TBX19: variants seen among roughly 807,000 people sequenced by gnomAD.
TBX19 encodes the protein T-box transcription factor TBX19.
A neutral mutation model predicts 40.9 loss-of-function variants in TBX19; 33 were observed. That is an observed-to-expected ratio of 0.81 (90% CI 0.61 to 1.08). The LOEUF is 1.08. TBX19 is among the 50% of genes least tolerant of loss of function. TBX19 has a pLI of 0.00. For synonymous variants in TBX19, 220 were observed against 225.0 expected (o/e 0.98, Z 0.20); for missense variants, 494 against 574.0 (o/e 0.86, Z 1.42).
chr1:168,290,409 G>T (rs1262519569), intron 1 of TBX19, among the ~76,000 whole-genome samples: 1 of 152,200 alleles, frequency 6.6e-6, no homozygotes, highest in Non-Finnish European at 1.5e-5. Context: ...CATACATTTA[G>T]GGTGTGCACG....
rs1289514438 is a variant in TBX19 at position 168,301,423 on chromosome 1, C to T, written c.727+940C>T. Among the ~76,000 whole-genome samples, 9 of 152,110 alleles carry T rather than the reference C, an allele frequency of 5.9e-5. No individual in the cohort carries two copies. The East Asian group carries it at 9.7e-4, about 16-fold the overall frequency. ...GCCCACAGGCATGTGCCACCATGCC[C>T]GGCTAATTTTTGTATTTTTGGTAGA... is the stretch of plus-strand genomic sequence containing the variant. On this transcript the variant is annotated intron_variant, in intron 5 of 7. Transcript: ENST00000367821.
chr1:168,297,809 A>G, intron 4 of TBX19, 24 bp downstream of exon 4: 1 of 1,579,784 alleles, frequency 6.3e-7, no homozygotes, highest in South Asian at 1.1e-5. Context: ...TTTTAGTGAA[A>G]TCTTCTAATG....
intron 7 of TBX19, 92 bp from the exon 8 acceptor site, chr1:168,312,616 C>G: frequency 6.9e-7 from 1 of 1,440,966 alleles, no homozygotes. Context: ...GTAACCATGC[C>G]CTTCTCAGCA....
chr1:168,298,822 C>CCCTCCCTCCCTCCCTTCCTTTCCTT (rs1553289837), intron 4 of TBX19, among the ~76,000 whole-genome samples: 2 of 9,788 alleles, frequency 2.0e-4, no homozygotes, highest in Non-Finnish European at 3.7e-4. Flanking sequence ...TCCCTCCCTT[C>CCCTCCCTCCCTCCCTTCCTTTCCTT]CTTTCTTTCT....
At chr1:168,307,293 C>T (rs543303828) in intron 6 of TBX19, among the ~76,000 whole-genome samples, 2 of 152,154 alleles carry the variant, frequency 1.3e-5, no homozygotes, top group African/African-American at 2.4e-5. Context: ...TTCTCATAGT[C>T]CTGGAGGCTG....
rs752758748 is a variant in TBX19 at position 168,297,790 on chromosome 1, G to A, written c.665+5G>A. On this transcript the variant is annotated splice_donor_5th_base_variant and intron_variant, in intron 4 of 7. Coordinates refer to ENST00000367821, the MANE Select transcript of TBX19 (RefSeq NM_005149.3). ...CTTCTTGGATGCCAAGGAAAGGTAA[G>A]TAAAGAAATTTTAGTGAAATCTTCT... 5 of 1,611,758 alleles carry A rather than the reference G, an allele frequency of 3.1e-6. No homozygotes were observed. Among genetic ancestry groups the A allele is most frequent in the Middle Eastern group, 1.7e-4 (1 of 6,060 alleles).
chr1:168,295,498 G>T (rs1357239390), intron 3 of TBX19, among the ~76,000 whole-genome samples: 4 of 152,166 alleles, frequency 2.6e-5, no homozygotes, highest in Non-Finnish European at 5.9e-5. Context: ...AAATGAAGTT[G>T]CAGATTTAAC....
At chr1:168,297,101 ACTAT>A (rs144045398) in intron 3 of TBX19, among the ~76,000 whole-genome samples, 2,960 of 152,300 alleles carry the variant, frequency 0.019, 107 homozygotes, top group African/African-American at 0.069. Context: ...TATCACGATC[ACTAT>A]CTATCTATAC....
In TBX19 at chr1:168,296,402, G is replaced by A. The variant is rs143199339; in HGVS notation, c.604-1322G>A. 8.1e-3 allele frequency among the ~76,000 whole-genome samples: 1,240 copies of A among 152,234 alleles called. 7 individuals are homozygous for A. The highest frequency in any genetic ancestry group is 0.012 in the Admixed American group (179 of 15,298). ...AATGGACTCACAGTTCCACATGGCT[G>A]GGGAGGCCTCAATCATGGTGGAAGG... is the stretch of plus-strand genomic sequence containing the variant. On this transcript the variant is annotated intron_variant, in intron 3 of 7. Coordinates refer to ENST00000367821, the MANE Select transcript of TBX19 (RefSeq NM_005149.3).
chr1:168,303,115 A>G (rs557479782), intron 5 of TBX19, among the ~76,000 whole-genome samples: 3 of 152,252 alleles, frequency 2.0e-5, no homozygotes, highest in South Asian at 2.1e-4. Flanking sequence ...ATATGTATAC[A>G]TGTGCCATGT....
intron 6 of TBX19, among the ~76,000 whole-genome samples, chr1:168,305,455 T>C (rs543570304): frequency 6.6e-6 from 1 of 152,344 alleles, no homozygotes; most frequent in South Asian, 2.1e-4. Flanking sequence ...CTAATGAGCG[T>C]GAAAGGCCAG....
Position 168,313,645 on chromosome 1 carries a change from G to A in TBX19, c.*643G>A, listed in dbSNP as rs1239052808. 2 of 154,106 alleles carry A rather than the reference G, an allele frequency of 1.3e-5. No homozygotes were observed. The highest frequency in any genetic ancestry group is 4.8e-5 in the African/African-American group (2 of 41,466). 9.5% of individuals were successfully genotyped at this position (154,106 alleles called of 1,614,324 possible). On this transcript the variant is annotated 3_prime_UTR_variant, in exon 8 of 8. Transcript: ENST00000367821. ...CTCCTCACTATAACTGGGTGTGGTAGTTTAAGCCTATAATCTCAGCCCTTT... is the reference window on the plus strand; with the variant it reads ...CTCCTCACTATAACTGGGTGTGGTAATTTAAGCCTATAATCTCAGCCCTTT...
chr1:168,305,912 G>A (rs934832897), intron 6 of TBX19, among the ~76,000 whole-genome samples: 8 of 152,160 alleles, frequency 5.3e-5, no homozygotes, highest in African/African-American at 1.9e-4. Flanking sequence ...ATTGAGGATC[G>A]ACTATATGCC....
intron 4 of TBX19, among the ~76,000 whole-genome samples, chr1:168,298,864 T>C (rs1442522793): frequency 5.2e-5 from 6 of 114,454 alleles, no homozygotes; most frequent in Non-Finnish European, 8.5e-5. Flanking sequence ...TCTTTCTTTC[T>C]TTCTTTCTTT....
At chr1:168,289,459 C>T (rs1232198250) in intron 1 of TBX19, among the ~76,000 whole-genome samples, 1 of 152,156 alleles carries the variant, frequency 6.6e-6, no homozygotes, top group Non-Finnish European at 1.5e-5. Flanking sequence ...TGTAAAAGTG[C>T]AATCATCTCA....
Position 168,305,030 on chromosome 1 carries a change from T to G in TBX19, c.750T>G (p.Asn250Lys), listed in dbSNP as rs1306299781. Reference protein sequence around the residue: ...YSHLGGWIFSNPDGVCTAGNS... With the variant: ...YSHLGGWIFSKPDGVCTAGNS... Reference sequence around the variant, plus strand: ...TAGTGGGAGGCTGGATCTTTTCCAATCCAGATGGAGTGTGCACAGCAGGAA... The same window carrying G: ...TAGTGGGAGGCTGGATCTTTTCCAAGCCAGATGGAGTGTGCACAGCAGGAA... Residue 250 changes from asparagine (N) to lysine (K), a missense_variant, in exon 6 of 8, where the codon AAT (asparagine) becomes AAG (lysine). By Grantham distance (94) the Asn-to-Lys change is moderately conservative. Coordinates refer to ENST00000367821, the MANE Select transcript of TBX19 (RefSeq NM_005149.3). The G allele has an allele frequency of 1.2e-6, 2 of 1,614,158 alleles. No individual in the cohort carries two copies. The highest frequency in any genetic ancestry group is 1.7e-5 in the Admixed American group (1 of 60,032).
intron 4 of TBX19, among the ~76,000 whole-genome samples, chr1:168,298,064 C>T (rs1398973420): frequency 3.3e-5 from 5 of 152,136 alleles, no homozygotes; most frequent in East Asian, 1.9e-4. Flanking sequence ...GGTGTGGTGG[C>T]GGGCGCCTGT....
At chr1:168,310,426 A>T (rs559440067) in intron 7 of TBX19, among the ~76,000 whole-genome samples, 1 of 151,966 alleles carries the variant, frequency 6.6e-6, no homozygotes, top group Non-Finnish European at 1.5e-5. Context: ...TAAAATGCAG[A>T]ATCTGATTGG....
chr1:168,294,437 G>T (rs1038956343), intron 3 of TBX19, among the ~76,000 whole-genome samples: 7 of 151,868 alleles, frequency 4.6e-5, no homozygotes, highest in Admixed American at 2.6e-4. Context: ...AGGTTCAAGC[G>T]ATTCTCCTGC....
Sources: allele counts gnomAD v4.1 joint callset (sites outside exome capture counted in the v4.1 genomes callset), GRCh38; gene constraint gnomAD v4.1.1; transcripts MANE v1.5; gene names NCBI Gene and HGNC (gene_info 2026-07-23, HGNC 2026-07-21).